The following GRM7 variants were observed in gnomAD, a reference collection of about 807,000 sequenced individuals.
GRM7 encodes the protein metabotropic glutamate receptor 7.
A neutral mutation model predicts 84.5 loss-of-function variants in GRM7; 35 were observed. That is an observed-to-expected ratio of 0.41 (90% CI 0.32 to 0.55). The LOEUF (loss-of-function observed/expected upper bound fraction) is 0.55. Ranked by LOEUF, GRM7 falls within the 20% of genes least tolerant of loss-of-function variation. The pLI is 0.19. For synonymous variants in GRM7, 487 were observed against 455.1 expected (o/e 1.07, Z -0.89); for missense variants, 1,003 against 1,194.6 (o/e 0.84, Z 2.36).
rs1288626812 is a variant in GRM7, at chr3:7,656,545, G to GCACACACACACA, written c.2452-23503_2452-23502insACACACACACAC. ...AAAATATATATATATATATACGCGC[G>GCACACACACACA]CGCACACACACACACACACACACAC... On this transcript the variant is annotated intron_variant, in intron 8 of 9. Transcript: ENST00000357716. Among the ~76,000 whole-genome samples the GCACACACACACA allele has an allele frequency of 1.7e-4, 21 of 120,416 alleles. No individual in the cohort carries two copies. The South Asian group carries it at 1.9e-3, about 11-fold the overall frequency. 79.0% of individuals were successfully genotyped at this position (120,416 alleles called of 152,430 possible).
intron 2 of GRM7, among the ~76,000 whole-genome samples, chr3:7,238,346 G>A (rs1347744101): frequency 6.6e-6 from 1 of 152,118 alleles, no homozygotes; most frequent in Non-Finnish European, 1.5e-5. Flanking sequence ...GATCCTTACA[G>A]GGCTAATGCT....
chr3:7,099,877 C>T (rs897076134), intron 1 of GRM7, among the ~76,000 whole-genome samples: 1 of 141,356 alleles, frequency 7.1e-6, no homozygotes. Context: ...TATATGTACA[C>T]GCATTATACA....
intron 8 of GRM7, among the ~76,000 whole-genome samples, chr3:7,615,621 T>TATTTCTATG (rs1697045526): frequency 6.6e-6 from 1 of 152,146 alleles, no homozygotes; most frequent in Non-Finnish European, 1.5e-5. Context: ...AGGGTGGGTA[T>TATTTCTATG]ATTTCTATGT....
chr3:7,092,854 C>T (rs573057022), intron 1 of GRM7, among the ~76,000 whole-genome samples: 2 of 152,242 alleles, frequency 1.3e-5, no homozygotes, highest in African/African-American at 4.8e-5. Context: ...GAAGCCAAGG[C>T]AGAAGGATTG....
At chr3:6,970,754 C>T (rs953650381) in intron 1 of GRM7, among the ~76,000 whole-genome samples, 1 of 152,052 alleles carries the variant, frequency 6.6e-6, no homozygotes, top group Non-Finnish European at 1.5e-5. Context: ...CCGAGGCGGG[C>T]GGATCACGAG....
In GRM7 at chr3:7,307,963, A is replaced by C. The variant is rs535237995; in HGVS notation, c.1033+1311A>C. On this transcript the variant is annotated intron_variant, in intron 4 of 9. Coordinates refer to ENST00000357716, the MANE Select transcript of GRM7 (RefSeq NM_000844.4). ...AGTATGGAGGGCACAGAGAGTTACC[A>C]TGGAGGCTTTCCTAGGGTGGTGGTG... 7.9e-5 allele frequency among the ~76,000 whole-genome samples: 12 copies of C among 152,256 alleles called. No individual in the cohort carries two copies. The East Asian group carries it at 1.5e-3, about 20-fold the overall frequency.
chr3:7,049,829 C>T lies in GRM7; in HGVS notation c.520-96623C>T, dbSNP rs541515480. 2.6e-4 allele frequency among the ~76,000 whole-genome samples: 39 copies of T among 151,872 alleles called. 1 individual carries two copies. The highest frequency in any genetic ancestry group is 5.2e-4 in the Non-Finnish European group (35 of 67,852). On this transcript the variant is annotated intron_variant, in intron 1 of 9. Coordinates refer to ENST00000357716, the MANE Select transcript of GRM7 (RefSeq NM_000844.4). Reference sequence around the variant, plus strand: ...GGGGAGAAGATGGAGATTACCCAAACAAAGTAAACTGCCAGTACAAAGATC... The same window carrying T: ...GGGGAGAAGATGGAGATTACCCAAATAAAGTAAACTGCCAGTACAAAGATC...
intron 4 of GRM7, among the ~76,000 whole-genome samples, chr3:7,363,205 A>G (rs1331132344): frequency 3.3e-5 from 5 of 151,862 alleles, no homozygotes; most frequent in Admixed American, 3.3e-4. Context: ...AATAGTGATA[A>G]AATGTATCAC....
intron 4 of GRM7, among the ~76,000 whole-genome samples, chr3:7,382,194 TG>T (rs1411408661): frequency 6.6e-6 from 1 of 152,170 alleles, no homozygotes; most frequent in Non-Finnish European, 1.5e-5. Flanking sequence ...CTTCTTACTA[TG>T]AGTGAAAGCT....
Position 7,456,657 on chromosome 3 carries a change from T to G in GRM7, c.1375+3850T>G, listed in dbSNP as rs926810747. ...TGCTGCCTCCTCTTAGATCTGAGGT[T>G]GCATGGGAATTTCAGGAAGGGCTAA... is the stretch of plus-strand genomic sequence containing the variant. On this transcript the variant is annotated intron_variant, in intron 6 of 9. Coordinates refer to ENST00000357716, the MANE Select transcript of GRM7 (RefSeq NM_000844.4). 2.0e-5 allele frequency among the ~76,000 whole-genome samples: 3 copies of G among 150,662 alleles called. No individual in the cohort carries two copies. In the South Asian group the frequency reaches 6.3e-4, roughly 32 times the overall value.
intron 7 of GRM7, among the ~76,000 whole-genome samples, chr3:7,548,882 G>T (rs1039794218): frequency 6.6e-6 from 1 of 152,196 alleles, no homozygotes; most frequent in Non-Finnish European, 1.5e-5. Context: ...TGAATGCAAA[G>T]ATTAAATAAA....
chr3:7,022,160 C>G (rs1695799794), intron 1 of GRM7, among the ~76,000 whole-genome samples: 1 of 151,836 alleles, frequency 6.6e-6, no homozygotes, highest in African/African-American at 2.4e-5. Context: ...TACCCAGTCT[C>G]TACAAAAAAT....
chr3:7,432,972 G>C (rs2124852603), intron 5 of GRM7, among the ~76,000 whole-genome samples: 1 of 152,162 alleles, frequency 6.6e-6, no homozygotes, highest in South Asian at 2.1e-4. Context: ...AATGACTGAA[G>C]AATTTTCACA....
chr3:7,256,103 A>C (rs964072281), intron 2 of GRM7, among the ~76,000 whole-genome samples: 1 of 152,070 alleles, frequency 6.6e-6, no homozygotes, highest in South Asian at 2.1e-4. Context: ...TCCCCCTTCC[A>C]GAGCCCTTGT....
chr3:7,240,031 G>A (rs1484102138), intron 2 of GRM7, among the ~76,000 whole-genome samples: 1 of 148,246 alleles, frequency 6.7e-6, no homozygotes, highest in Non-Finnish European at 1.5e-5. Context: ...TAGAGATAAT[G>A]TCCAATAAAG....
intron 8 of GRM7, among the ~76,000 whole-genome samples, chr3:7,580,712 G>C (rs537887252): frequency 6.6e-6 from 1 of 152,228 alleles, no homozygotes; most frequent in East Asian, 1.9e-4. Context: ...TAGTCATAAA[G>C]TATTTTAGAG....
At position 7,106,405 on chromosome 3, in the gene GRM7, C is replaced by G. The variant is rs189899155; in HGVS notation, c.520-40047C>G. Among the ~76,000 whole-genome samples, 123 of 151,690 alleles carry G rather than the reference C, an allele frequency of 8.1e-4. No homozygotes were observed. The Middle Eastern group carries it at 0.017, about 21-fold the overall frequency. On this transcript the variant is annotated intron_variant, in intron 1 of 9. Coordinates refer to ENST00000357716, the MANE Select transcript of GRM7 (RefSeq NM_000844.4). Reference sequence around the variant, plus strand: ...GACCCAATTCATGTTCCAGTCCCCCCTATATTGTAATCACATGCTGGGTTT... The same window carrying G: ...GACCCAATTCATGTTCCAGTCCCCCGTATATTGTAATCACATGCTGGGTTT...
chr3:7,292,729 A>ATT (rs1699676846), intron 2 of GRM7, among the ~76,000 whole-genome samples: 7 of 148,014 alleles, frequency 4.7e-5, no homozygotes, highest in African/African-American at 1.8e-4. Flanking sequence ...TTTTTTTTAA[A>ATT]AAAAAAAACA....
At chr3:6,905,914 T>A (rs76386630) in intron 1 of GRM7, among the ~76,000 whole-genome samples, 1 of 152,192 alleles carries the variant, frequency 6.6e-6, no homozygotes, top group African/African-American at 2.4e-5. Flanking sequence ...TAGTCATGAT[T>A]TTCTGATATT....
Sources: allele counts gnomAD v4.1 joint callset (sites outside exome capture counted in the v4.1 genomes callset), GRCh38; gene constraint gnomAD v4.1.1; transcripts MANE v1.5; gene names NCBI Gene and HGNC (gene_info 2026-07-23, HGNC 2026-07-21).